ATP1A2: variants seen among roughly 807,000 people sequenced by gnomAD.
The protein encoded by ATP1A2 is ATPase Na+/K+ transporting subunit alpha 2, also known as sodium/potassium-transporting ATPase subunit alpha-2.
Under a neutral mutation model 113.1 loss-of-function variants are expected in ATP1A2, and 56 were observed. The observed-to-expected ratio is 0.49, with a 90% confidence interval of 0.40 to 0.62. ATP1A2 has a LOEUF of 0.62. Ranked by LOEUF, ATP1A2 falls within the 20% of genes least tolerant of loss-of-function variation. The pLI, the probability that ATP1A2 is intolerant of heterozygous loss-of-function variation, is 0.00. For synonymous variants in ATP1A2, 490 were observed against 526.8 expected (o/e 0.93, Z 0.96); for missense variants, 712 against 1,357.8 (o/e 0.52, Z 7.47).
At position 160,129,387 on chromosome 1, in the gene ATP1A2, CCAA is replaced by C. The variant is rs1651695542; in HGVS notation, c.1452_1454del (p.Asn484del). ...GTGGCAGAGATTCCTTTCAACTCTA[CCAA>C]CAAGTACCAGGTCTGCTTGGGTTGC... On this transcript the variant is annotated inframe_deletion, in exon 11 of 23. Coordinates refer to ENST00000361216, the MANE Select transcript of ATP1A2 (RefSeq NM_000702.4). 2 of 1,613,398 alleles carry C rather than the reference CCAA, an allele frequency of 1.2e-6. No homozygotes were observed. Among genetic ancestry groups the C allele is most frequent in the African/African-American group, 1.3e-5 (1 of 74,892 alleles).
At chr1:160,137,805 C>T (rs1289235806) in intron 20 of ATP1A2, among the ~76,000 whole-genome samples, 1 of 149,106 alleles carries the variant, frequency 6.7e-6, no homozygotes, top group African/African-American at 2.5e-5. Context: ...GAGGTTGTTA[C>T]AGTTTCTTAG....
chr1:160,122,487 A>G (rs1269788386), intron 3 of ATP1A2, among the ~76,000 whole-genome samples: 3 of 152,078 alleles, frequency 2.0e-5, no homozygotes. Context: ...GAAAAAATGC[A>G]ATCCTAGGAT....
At chr1:160,120,862 G>A in intron 1 of ATP1A2, 44 bp from the exon 2 acceptor site, 1 of 1,541,274 alleles carries the variant, frequency 6.5e-7, no homozygotes, top group Non-Finnish European at 8.8e-7. Context: ...GGAGGCCCCA[G>A]CCCCTCTCTT....
At chr1:160,119,125 A>T (rs972291124) in intron 1 of ATP1A2, among the ~76,000 whole-genome samples, 2 of 151,984 alleles carry the variant, frequency 1.3e-5, no homozygotes, top group South Asian at 4.2e-4. Flanking sequence ...GAGGCTGTGC[A>T]TGTGTGGGGG....
chr1:160,138,669 T>C (rs1652031267), intron 20 of ATP1A2, among the ~76,000 whole-genome samples: 1 of 152,114 alleles, frequency 6.6e-6, no homozygotes, highest in Non-Finnish European at 1.5e-5. Flanking sequence ...GGTGAAACTC[T>C]ATCTCTACAA....
At chr1:160,131,168 C>T (rs1247043404) in intron 13 of ATP1A2, among the ~76,000 whole-genome samples, 1 of 152,032 alleles carries the variant, frequency 6.6e-6, no homozygotes, top group East Asian at 1.9e-4. Flanking sequence ...TGCACAGTGC[C>T]TGATACATAG....
intron 13 of ATP1A2, among the ~76,000 whole-genome samples, chr1:160,133,138 C>T (rs113932578): frequency 7.6e-4 from 115 of 152,216 alleles, no homozygotes; most frequent in African/African-American, 2.7e-3. Context: ...CCCTGAGAGG[C>T]TGGGAAAGAG....
In ATP1A2 at chr1:160,129,126, G is replaced by T. The variant is rs375905731; in HGVS notation, c.1326+37G>T. The T allele has an allele frequency of 8.6e-6, 13 of 1,512,476 alleles. No individual in the cohort carries two copies. The African/African-American group carries it at 2.3e-4, about 27-fold the overall frequency. 93.7% of individuals were successfully genotyped at this position (1,512,476 alleles called of 1,614,324 possible). A position where few individuals can be genotyped will look rare whatever the true frequency, so the allele number is the denominator to read the frequency against. On this transcript the variant is annotated intron_variant, in intron 10 of 22. Coordinates refer to ENST00000361216, the MANE Select transcript of ATP1A2 (RefSeq NM_000702.4). ...GGACACACACCAGGTATGTTTTGGG[G>T]GTGTCTCCAAAGCCTCTTGCTGGCC...
chr1:160,120,740 A>G (rs186361328), intron 1 of ATP1A2, among the ~76,000 whole-genome samples, 166 bp from the exon 2 acceptor site: 1 of 152,212 alleles, frequency 6.6e-6, no homozygotes. Context: ...ATAGTCTACA[A>G]ACTGAGGGCC....
rs561799942 is a variant in ATP1A2 at position 160,133,122 on chromosome 1, C to T, written c.1828-1362C>T. 1.6e-4 allele frequency among the ~76,000 whole-genome samples: 25 copies of T among 152,264 alleles called. No homozygotes were observed. The South Asian group carries it at 5.2e-3, about 32-fold the overall frequency. On this transcript the variant is annotated intron_variant, in intron 13 of 22. Coordinates refer to ENST00000361216, the MANE Select transcript of ATP1A2 (RefSeq NM_000702.4). ...CCACTGCTTCTTCCATCCTACTAGGCTGCCACCCTGAGAGGCTGGGAAAGA... is the reference window on the plus strand; with the variant it reads ...CCACTGCTTCTTCCATCCTACTAGGTTGCCACCCTGAGAGGCTGGGAAAGA...
chr1:160,129,367 A>C lies in ATP1A2; in HGVS notation c.1428A>C (p.Ala476=), dbSNP rs780545424. Residue 476 remains alanine (A), a synonymous_variant, in exon 11 of 23, where the codon GCA becomes GCC. Coordinates refer to ENST00000361216, the MANE Select transcript of ATP1A2 (RefSeq NM_000702.4). ...RKMRDRNPKV[A]EIPFNSTNKY... ...TGAGAGACAGAAACCCCAAGGTGGC[A>C]GAGATTCCTTTCAACTCTACCAACA... 5 of 1,614,084 alleles carry C rather than the reference A, an allele frequency of 3.1e-6. No homozygotes were observed. The highest frequency in any genetic ancestry group is 4.2e-6 in the Non-Finnish European group (5 of 1,180,042).
At position 160,134,562 on chromosome 1, in the gene ATP1A2, G is replaced by A. The variant is rs752936420; in HGVS notation, c.1906G>A (p.Glu636Lys). ...KGVGIISEGNETVEDIAARLN... is the reference protein window; with the variant it reads ...KGVGIISEGNKTVEDIAARLN... ...CGTGGGCATCATATCAGAGGGTAACGAGACTGTGGAGGACATTGCAGCCCG... is the reference window on the plus strand; with the variant it reads ...CGTGGGCATCATATCAGAGGGTAACAAGACTGTGGAGGACATTGCAGCCCG... Residue 636 changes from glutamate to lysine, a missense_variant, in exon 14 of 23, where the codon GAG becomes AAG. Transcript: ENST00000361216. 3.7e-6 allele frequency: 6 copies of A among 1,614,102 alleles called. No individual in the cohort carries two copies. The highest frequency in any genetic ancestry group is 2.2e-5 in the East Asian group (1 of 44,902).
chr1:160,127,712 C>A lies in ATP1A2; in HGVS notation c.909C>A (p.Ser303=), dbSNP rs1422290691. The A allele has an allele frequency of 6.2e-7, 1 of 1,614,102 alleles. No individual in the cohort carries two copies. Among genetic ancestry groups the A allele is most frequent in the East Asian group, 2.2e-5 (1 of 44,906 alleles). The change falls in exon 8 of 23, where the codon TCC becomes TCA. Residue 303 remains serine (S), a synonymous_variant. Transcript: ENST00000361216. ...ITGVAVFLGV[S]FFVLSLILGY... ...GGGTCGCTGTATTCCTGGGGGTCTCCTTCTTCGTGCTCTCCCTCATCCTGG... is the reference window on the plus strand; with the variant it reads ...GGGTCGCTGTATTCCTGGGGGTCTCATTCTTCGTGCTCTCCCTCATCCTGG...
chr1:160,123,154 T>C (rs1651470819), intron 3 of ATP1A2, 59 bp from the exon 4 acceptor site: 5 of 1,589,168 alleles, frequency 3.1e-6, no homozygotes, highest in Non-Finnish European at 3.4e-6. Flanking sequence ...GGGATGGGCA[T>C]GGTGACTGGC....
intron 4 of ATP1A2, 46 bp from the exon 5 acceptor site, chr1:160,123,897 G>T: frequency 5.1e-6 from 8 of 1,579,208 alleles, no homozygotes; most frequent in Non-Finnish European, 7.0e-6. Flanking sequence ...TGCCCCTTTA[G>T]GGTTGGGGGG....
In ATP1A2 at chr1:160,126,276, T is replaced by C. The variant is rs529997586; in HGVS notation, c.748+1023T>C. ...CTTTGAATCAACTCTAGATTACTTATAATACCGAGTGCAATGTAATTTTTA... is the reference window on the plus strand; with the variant it reads ...CTTTGAATCAACTCTAGATTACTTACAATACCGAGTGCAATGTAATTTTTA... On this transcript the variant is annotated intron_variant, in intron 7 of 22. Coordinates refer to ENST00000361216, the MANE Select transcript of ATP1A2 (RefSeq NM_000702.4). Among the ~76,000 whole-genome samples, 8 of 152,356 alleles carry C rather than the reference T, an allele frequency of 5.3e-5. No individual in the cohort carries two copies. The South Asian group carries it at 1.7e-3, about 32-fold the overall frequency.
At chr1:160,137,958 G>A (rs1197072477) in intron 20 of ATP1A2, among the ~76,000 whole-genome samples, 1 of 152,068 alleles carries the variant, frequency 6.6e-6, no homozygotes, top group Non-Finnish European at 1.5e-5. Context: ...AAATACTAAT[G>A]GAAAAAAAAT....
At chr1:160,133,091 CCA>C (rs1444173213) in intron 13 of ATP1A2, among the ~76,000 whole-genome samples, 1 of 152,086 alleles carries the variant, frequency 6.6e-6, no homozygotes, top group Admixed American at 6.5e-5. Flanking sequence ...TCATTCAACT[CCA>C]AAGCCACTGC....
At chr1:160,119,544 G>A (rs1185287300) in intron 1 of ATP1A2, among the ~76,000 whole-genome samples, 1 of 152,008 alleles carries the variant, frequency 6.6e-6, no homozygotes, top group Non-Finnish European at 1.5e-5. Flanking sequence ...TGGCTACCCA[G>A]GCCTTCCTCA....
Sources: allele counts gnomAD v4.1 joint callset (sites outside exome capture counted in the v4.1 genomes callset), GRCh38; gene constraint gnomAD v4.1.1; transcripts MANE v1.5; gene names NCBI Gene and HGNC (gene_info 2026-07-23, HGNC 2026-07-21).